Variants in PXK observed in about 807,000 individuals in gnomAD.
PXK encodes PX domain containing serine/threonine kinase like.
PXK carries 35 observed loss-of-function variants against 84.7 expected under a neutral mutation model. That is an observed-to-expected ratio of 0.41 (90% CI 0.32 to 0.55). The LOEUF (loss-of-function observed/expected upper bound fraction) is 0.55, where lower values mean the gene tolerates loss of function less well. PXK is among the 20% of genes least tolerant of loss of function. The probability of loss-of-function intolerance (pLI) is 0.21; values close to 1 mark genes in which losing one functional copy is unlikely to be tolerated. For missense variants in PXK, 634 were observed against 699.7 expected (o/e 0.91, Z 1.06); for synonymous variants, 253 against 260.8 (o/e 0.97, Z 0.29).
chr3:58,342,199 C>T (rs2097747909), intron 1 of PXK, among the ~76,000 whole-genome samples: 2 of 152,114 alleles, frequency 1.3e-5, no homozygotes, highest in Non-Finnish European at 2.9e-5. Context: ...TTCTTTAGCT[C>T]TTCGGGCCCA....
At chr3:58,403,787 C>T (rs1319456156) in intron 12 of PXK, 75 bp from the exon 13 acceptor site, 1 of 971,338 alleles carries the variant, frequency 1.0e-6, no homozygotes, top group African/African-American at 1.6e-5. Flanking sequence ...CTAAAGGTGT[C>T]TTAATCTGCT....
intron 17 of PXK, chr3:58,420,593 C>A (rs763308935): frequency 3.5e-5 from 54 of 1,536,010 alleles, no homozygotes; most frequent in Non-Finnish European, 4.7e-5. Context: ...GCTGATTTCT[C>A]AGACTTTAAA....
chr3:58,409,651 G>A lies in PXK; in HGVS notation c.1395+33G>A. The A allele has an allele frequency of 6.5e-7, 1 of 1,531,418 alleles. No individual in the cohort carries two copies. Among genetic ancestry groups the A allele is most frequent in the Non-Finnish European group, 8.9e-7 (1 of 1,118,840 alleles). 94.9% of individuals were successfully genotyped at this position (1,531,418 alleles called of 1,614,324 possible). ...TGCTGTCTCTCTGCAGTCCCTCTAT[G>A]AGTTCTTGAGTACATGTGAAGAAAG... is the stretch of plus-strand genomic sequence containing the variant. On this transcript the variant is annotated intron_variant, in intron 15 of 17. Coordinates refer to ENST00000356151, the MANE Select transcript of PXK (RefSeq NM_017771.5). The surrounding 1 kb of genome is among the most constrained non-coding windows in gnomAD (Gnocchi z 4.2).
At chr3:58,366,074 G>A (rs2098267210) in intron 2 of PXK, 150 bp downstream of exon 2, 1 of 700,500 alleles carries the variant, frequency 1.4e-6, no homozygotes, top group South Asian at 2.3e-5. Flanking sequence ...TTAGCTTTAA[G>A]ACAAGTATGA....
In PXK at chr3:58,409,073, C is replaced by A; in HGVS notation, c.1308+72C>A. Reference sequence around the variant, plus strand: ...TGCCGTGGTTTTTATAGTGATTGACCTTTGACTGTTCCCTCTGCAAATATT... The same window carrying A: ...TGCCGTGGTTTTTATAGTGATTGACATTTGACTGTTCCCTCTGCAAATATT... On this transcript the variant is annotated intron_variant, in intron 14 of 17. Coordinates refer to ENST00000356151, the MANE Select transcript of PXK (RefSeq NM_017771.5). The surrounding 1 kb of genome is among the most constrained non-coding windows in gnomAD (Gnocchi z 4.2). 8.9e-7 allele frequency: 1 copy of A among 1,126,426 alleles called. No homozygotes were observed. Among genetic ancestry groups the A allele is most frequent in the Non-Finnish European group, 1.3e-6 (1 of 757,172 alleles). 69.8% of individuals were successfully genotyped at this position (1,126,426 alleles called of 1,614,324 possible). A position where few individuals can be genotyped will look rare whatever the true frequency, so the allele number is the denominator to read the frequency against.
intron 8 of PXK, 25 bp downstream of exon 8, chr3:58,395,127 A>G: frequency 3.2e-6 from 5 of 1,541,592 alleles, no homozygotes; most frequent in Non-Finnish European, 4.5e-6. Context: ...TCATGGTCAT[A>G]AGGAATTCTC....
intron 3 of PXK, among the ~76,000 whole-genome samples, chr3:58,373,393 C>T (rs574830536): frequency 6.6e-6 from 1 of 152,262 alleles, no homozygotes; most frequent in East Asian, 1.9e-4. Context: ...CATTTCTTCT[C>T]TTGGGTTTCA....
At chr3:58,391,312 C>A in intron 6 of PXK, 92 bp downstream of exon 6, 2 of 1,116,240 alleles carry the variant, frequency 1.8e-6, no homozygotes, top group Non-Finnish European at 2.7e-6. Context: ...TTGTACTGTG[C>A]TCTTAAGTGA....
intron 3 of PXK, among the ~76,000 whole-genome samples, chr3:58,375,251 C>T (rs535012292): frequency 1.3e-5 from 2 of 152,112 alleles, no homozygotes; most frequent in Non-Finnish European, 2.9e-5. Flanking sequence ...GTAGTGCAGG[C>T]AAATCTGTCG....
In PXK at chr3:58,364,406, T is replaced by C. The variant is rs1456333112; in HGVS notation, c.103-1468T>C. 6.6e-6 allele frequency among the ~76,000 whole-genome samples: 1 copy of C among 152,118 alleles called. No individual in the cohort carries two copies. The highest frequency in any genetic ancestry group is 1.5e-5 in the Non-Finnish European group (1 of 68,008). On this transcript the variant is annotated intron_variant, in intron 1 of 17. Coordinates refer to ENST00000356151, the MANE Select transcript of PXK (RefSeq NM_017771.5). The surrounding 1 kb of genome is among the most constrained non-coding windows in gnomAD (Gnocchi z 4.3). ...GGAGGGGAGCGGAGTTTTTTAGTTA[T>C]GAATTTAATTATAAATCATTATAGG...
rs543199346 is a variant in PXK at position 58,425,576 on chromosome 3, C to T, written c.*616C>T. The T allele has an allele frequency of 6.5e-6, 1 of 153,022 alleles. No individual in the cohort carries two copies. Among genetic ancestry groups the T allele is most frequent in the Non-Finnish European group, 1.5e-5 (1 of 68,600 alleles). The allele number at this position is 153,022 out of a possible 1,614,324, so 9.5% of individuals were successfully genotyped here. On this transcript the variant is annotated 3_prime_UTR_variant, in exon 18 of 18. Coordinates refer to ENST00000356151, the MANE Select transcript of PXK (RefSeq NM_017771.5). ...GGAATACCATTGTGGTTATAGAACTCAGGGCTGCTAAAGCAACTACTCTAG... is the reference window on the plus strand; with the variant it reads ...GGAATACCATTGTGGTTATAGAACTTAGGGCTGCTAAAGCAACTACTCTAG...
At chr3:58,423,148 G>A (rs1174867827) in intron 17 of PXK, 1 of 985,130 alleles carries the variant, frequency 1.0e-6, no homozygotes. Context: ...GTATTTCACT[G>A]GTTGCTCTCC....
chr3:58,397,997 G>A lies in PXK; in HGVS notation c.1102+275G>A, dbSNP rs2057973913. Reference sequence around the variant, plus strand: ...TGGAAGCAGGAGGATGTAAAGAGAAGTATGGCCTGCATGAGTGTGATGCAG... The same window carrying A: ...TGGAAGCAGGAGGATGTAAAGAGAAATATGGCCTGCATGAGTGTGATGCAG... On this transcript the variant is annotated intron_variant, in intron 11 of 17. Transcript: ENST00000356151. This position sits in a 1 kb window ranked among gnomAD's most constrained non-coding sequence, Gnocchi z 4.7. Among the ~76,000 whole-genome samples, 1 of 152,220 alleles carries A rather than the reference G, an allele frequency of 6.6e-6. No individual in the cohort carries two copies. The highest frequency in any genetic ancestry group is 2.4e-5 in the African/African-American group (1 of 41,458).
At chr3:58,374,623 G>T (rs570138313) in intron 3 of PXK, among the ~76,000 whole-genome samples, 1 of 152,298 alleles carries the variant, frequency 6.6e-6, no homozygotes, top group African/African-American at 2.4e-5. Flanking sequence ...AGATGATGAG[G>T]CATCCTGGCT....
At chr3:58,338,960 G>C (rs1347899958) in intron 1 of PXK, among the ~76,000 whole-genome samples, 1 of 151,786 alleles carries the variant, frequency 6.6e-6, no homozygotes, top group Non-Finnish European at 1.5e-5. Flanking sequence ...TGGGATTACA[G>C]GCGTGAGCCA....
intron 12 of PXK, among the ~76,000 whole-genome samples, chr3:58,403,488 G>T (rs1185863607): frequency 6.6e-6 from 1 of 152,078 alleles, no homozygotes; most frequent in Non-Finnish European, 1.5e-5. Flanking sequence ...CCTCTTCTGA[G>T]GCAAGAAAAA....
At chr3:58,345,659 A>G (rs2097801762) in intron 1 of PXK, among the ~76,000 whole-genome samples, 1 of 152,190 alleles carries the variant, frequency 6.6e-6, no homozygotes, top group African/African-American at 2.4e-5. Flanking sequence ...AATGGTAAAA[A>G]CTGTGATAAA....
Position 58,421,927 on chromosome 3 carries a change from C to T in PXK, c.1529-2825C>T. 1 of 985,400 alleles carries T rather than the reference C, an allele frequency of 1.0e-6. No individual in the cohort carries two copies. The highest frequency in any genetic ancestry group is 1.2e-6 in the Non-Finnish European group (1 of 829,926). The allele number at this position is 985,400 out of a possible 1,614,324, so 61.0% of individuals were successfully genotyped here. On this transcript the variant is annotated intron_variant, in intron 17 of 17. Transcript: ENST00000356151. The surrounding 1 kb of genome is among the most constrained non-coding windows in gnomAD (Gnocchi z 5.5). Reference sequence around the variant, plus strand: ...AAGTCTAACATGGAATCGGTCTGCTCTCATATGTGGCCTGGAGATAAGGGT... The same window carrying T: ...AAGTCTAACATGGAATCGGTCTGCTTTCATATGTGGCCTGGAGATAAGGGT...
At chr3:58,404,414 A>C (rs1338389168) in intron 13 of PXK, among the ~76,000 whole-genome samples, 1 of 152,190 alleles carries the variant, frequency 6.6e-6, no homozygotes, top group Non-Finnish European at 1.5e-5. Context: ...GATGTGAAGC[A>C]GCATCCCTAA....
Sources: allele counts gnomAD v4.1 joint callset (sites outside exome capture counted in the v4.1 genomes callset), GRCh38; gene constraint gnomAD v4.1.1; non-coding constraint Gnocchi (gnomAD v3.1); transcripts MANE v1.5; gene names NCBI Gene and HGNC (gene_info 2026-07-23, HGNC 2026-07-21).